STK31: variants seen among roughly 807,000 people sequenced by gnomAD.
STK31 encodes serine/threonine-protein kinase 31.
A neutral mutation model predicts 129.7 loss-of-function variants in STK31; 89 were observed. The ratio of observed to expected loss-of-function variants is 0.69; its 90% CI spans 0.58 to 0.82. STK31 has a LOEUF of 0.82. STK31 is among the 40% of genes least tolerant of loss of function. STK31 has a pLI of 0.00. For missense variants in STK31, 1,187 were observed against 1,176.4 expected (o/e 1.01, Z -0.13); for synonymous variants, 448 against 395.3 (o/e 1.13, Z -1.58).
At chr7:23,754,249 G>T in intron 9 of STK31, 66 bp from the exon 10 acceptor site, 1 of 1,542,116 alleles carries the variant, frequency 6.5e-7, no homozygotes, top group Non-Finnish European at 8.8e-7. Flanking sequence ...CTATTAAAGT[G>T]TAACTTTTTC....
chr7:23,806,521 C>G (rs939064360), intron 22 of STK31, among the ~76,000 whole-genome samples: 3 of 152,100 alleles, frequency 2.0e-5, no homozygotes, highest in Non-Finnish European at 2.9e-5. Flanking sequence ...CCCTTAAAAT[C>G]TAGAGGTTTT....
chr7:23,710,186 G>T (rs1048588095), upstream of STK31: 1 of 1,592,348 alleles, frequency 6.3e-7, no homozygotes, highest in South Asian at 1.1e-5. Flanking sequence ...TGATGGCGCA[G>T]CGCTGTGCAC....
rs1169601555 is a variant in STK31 at position 23,790,818 on chromosome 7, T to G, written c.2638-6T>G. ...ATCTGAAATATGTAAAATATTGTTTTTGCAGAGTCAGCGAGCCTCGGTGAA... is the reference window on the plus strand; with the variant it reads ...ATCTGAAATATGTAAAATATTGTTTGTGCAGAGTCAGCGAGCCTCGGTGAA... On this transcript the variant is annotated splice_region_variant and splice_polypyrimidine_tract_variant and intron_variant, in intron 21 of 23. Transcript: ENST00000355870. 1 of 1,582,496 alleles carries G rather than the reference T, an allele frequency of 6.3e-7. No individual in the cohort carries two copies. Among genetic ancestry groups the G allele is most frequent in the Admixed American group, 1.9e-5 (1 of 52,742 alleles).
intron 22 of STK31, among the ~76,000 whole-genome samples, chr7:23,796,688 A>T (rs1031635497): frequency 2.0e-5 from 3 of 152,080 alleles, no homozygotes; most frequent in African/African-American, 7.2e-5. Context: ...CCTCCTCCCA[A>T]CCCTTAAACG....
At chr7:23,748,666 T>G (rs1429433207) in intron 8 of STK31, among the ~76,000 whole-genome samples, 1 of 152,218 alleles carries the variant, frequency 6.6e-6, no homozygotes, top group East Asian at 1.9e-4. Context: ...CACTTCCATT[T>G]AATGAATAGT....
At chr7:23,740,845 G>C (rs1022532601) in intron 8 of STK31, among the ~76,000 whole-genome samples, 1 of 152,038 alleles carries the variant, frequency 6.6e-6, no homozygotes, top group African/African-American at 2.4e-5. Flanking sequence ...TTTTGGCCAG[G>C]TGCTGTATTT....
chr7:23,727,001 G>A (rs995211544), intron 4 of STK31, among the ~76,000 whole-genome samples: 2 of 151,984 alleles, frequency 1.3e-5, no homozygotes, highest in East Asian at 3.9e-4. Flanking sequence ...TGGAGATGCA[G>A]AATAGCATAA....
At chr7:23,790,386 A>G (rs1409943513) in intron 21 of STK31, among the ~76,000 whole-genome samples, 4 of 152,172 alleles carry the variant, frequency 2.6e-5, no homozygotes, top group African/African-American at 7.2e-5. Flanking sequence ...GATTCATGCT[A>G]TTGTCACTGA....
intron 22 of STK31, among the ~76,000 whole-genome samples, chr7:23,810,024 A>G (rs1394190995): frequency 3.9e-5 from 6 of 152,178 alleles, no homozygotes; most frequent in African/African-American, 7.2e-5. Context: ...GTCCCTGGCT[A>G]TAATTGTAGA....
rs867216006 is a variant in STK31 at position 23,729,389 on chromosome 7, A to C, written c.483+140A>C. On this transcript the variant is annotated intron_variant, in intron 6 of 23. Coordinates refer to ENST00000355870, the MANE Select transcript of STK31 (RefSeq NM_031414.5). ...AAATAGGAATTATAATTAGAAAGCAATTATATATTTATGCTCATCTTTGCT... is the reference window on the plus strand; with the variant it reads ...AAATAGGAATTATAATTAGAAAGCACTTATATATTTATGCTCATCTTTGCT... 5.4e-6 allele frequency: 4 copies of C among 744,850 alleles called. No homozygotes were observed. The South Asian group carries it at 8.2e-5, about 15-fold the overall frequency. 46.1% of individuals were successfully genotyped at this position (744,850 alleles called of 1,614,324 possible).
intron 4 of STK31, among the ~76,000 whole-genome samples, chr7:23,719,899 A>G (rs1157287037): frequency 6.6e-6 from 1 of 152,128 alleles, no homozygotes; most frequent in Non-Finnish European, 1.5e-5. Flanking sequence ...CTGAGCAACT[A>G]CTGTAATAAC....
intron 10 of STK31, chr7:23,754,990 T>C (rs1788972865): frequency 6.6e-6 from 1 of 152,394 alleles, no homozygotes. Context: ...AGTAGAATGA[T>C]CTATATTCCT....
chr7:23,762,725 C>T, intron 10 of STK31, 76 bp from the exon 11 acceptor site: 1 of 1,523,976 alleles, frequency 6.6e-7, no homozygotes, highest in Non-Finnish European at 8.8e-7. Flanking sequence ...TTTTGGAGAT[C>T]ACTTTTTTTC....
At chr7:23,718,697 ATT>A (rs1362864790) in intron 4 of STK31, among the ~76,000 whole-genome samples, 1 of 152,084 alleles carries the variant, frequency 6.6e-6, no homozygotes, top group East Asian at 1.9e-4. Flanking sequence ...TTTTTAAGCT[ATT>A]TAACATTCAT....
chr7:23,718,320 A>G (rs1786477257), intron 4 of STK31, among the ~76,000 whole-genome samples: 2 of 152,130 alleles, frequency 1.3e-5, no homozygotes, highest in Admixed American at 6.5e-5. Context: ...ATGCAGAGCA[A>G]TTTGGCTTTT....
intron 22 of STK31, among the ~76,000 whole-genome samples, chr7:23,796,948 AG>A (rs1053546800): frequency 4.0e-5 from 6 of 150,504 alleles, no homozygotes; most frequent in Admixed American, 2.0e-4. Context: ...CAAAAAAAAA[AG>A]CAGGGATTGC....
intron 1 of STK31, chr7:23,710,655 G>C (rs1459733723): frequency 3.4e-6 from 4 of 1,174,880 alleles, no homozygotes; most frequent in African/African-American, 1.6e-5. Context: ...AAGTGTCAGA[G>C]AGCTACGTGT....
At position 23,807,884 on chromosome 7, in the gene STK31, A is replaced by G. The variant is rs113106490; in HGVS notation, c.2761-7260A>G. 8.9e-4 allele frequency among the ~76,000 whole-genome samples: 135 copies of G among 151,910 alleles called. 1 individual carries two copies. The Middle Eastern group carries it at 0.024, about 27-fold the overall frequency. On this transcript the variant is annotated intron_variant, in intron 22 of 23. Coordinates refer to ENST00000355870, the MANE Select transcript of STK31 (RefSeq NM_031414.5). Reference sequence around the variant, plus strand: ...CTGTTTTTCTGTTATAAAATTTCCAATTGATTCTTTTTTATATCTTCTGTC... The same window carrying G: ...CTGTTTTTCTGTTATAAAATTTCCAGTTGATTCTTTTTTATATCTTCTGTC...
intron 4 of STK31, chr7:23,723,054 C>G (rs965752876): frequency 1.3e-5 from 2 of 152,222 alleles, no homozygotes; most frequent in African/African-American, 4.8e-5. Context: ...GATACCTGCC[C>G]TGCTCCGTGG....
Sources: gnomAD v4.1 joint callset for allele counts (sites outside exome capture counted in the v4.1 genomes callset) on GRCh38, gnomAD v4.1.1 for gene constraint, MANE v1.5 for transcripts, NCBI Gene and HGNC (gene_info 2026-07-23, HGNC 2026-07-21) for gene names.